Variants in TFPI observed in about 807,000 individuals in gnomAD.
The protein encoded by TFPI is anti-convertin.
In TFPI, 15 loss-of-function variants were observed where a neutral mutation model predicts 34.6. The observed-to-expected ratio is 0.43, with a 90% CI of 0.29 to 0.67. The LOEUF (loss-of-function observed/expected upper bound fraction) is 0.67. Among genes scored for constraint, TFPI ranks in the 30% least tolerant of loss-of-function variants. TFPI has a pLI of 0.15. For synonymous variants in TFPI, 105 were observed against 120.1 expected (o/e 0.87, Z 0.82); for missense variants, 301 against 364.0 (o/e 0.83, Z 1.41).
At chr2:187,544,212 G>C (rs961344250) in intron 1 of TFPI, among the ~76,000 whole-genome samples, 1 of 152,062 alleles carries the variant, frequency 6.6e-6, no homozygotes, top group Non-Finnish European at 1.5e-5. Context: ...GGGGATGAGA[G>C]GATATCAACA....
chr2:187,480,368 G>C (rs1692757491), intron 6 of TFPI, among the ~76,000 whole-genome samples: 1 of 152,050 alleles, frequency 6.6e-6, no homozygotes, highest in South Asian at 2.1e-4. Flanking sequence ...ACTGTCCTAA[G>C]AAAGTTATGT....
rs552177375 is a variant in TFPI at position 187,505,335 on chromosome 2, C to A, written c.-2-1565G>T. On this transcript the variant is annotated intron_variant, in intron 1 of 7. Coordinates refer to ENST00000233156, the MANE Select transcript of TFPI (RefSeq NM_006287.6). Reference sequence around the variant, plus strand: ...ATGGCAGCCTAGGGTATTGCCTAAACTTAGTACTTTAGACTTTCGTTGGGT... The same window carrying A: ...ATGGCAGCCTAGGGTATTGCCTAAAATTAGTACTTTAGACTTTCGTTGGGT... Among the ~76,000 whole-genome samples the A allele has an allele frequency of 5.7e-4, 86 of 152,190 alleles. 1 individual carries two copies. The South Asian group carries it at 0.015, about 26-fold the overall frequency.
intron 6 of TFPI, among the ~76,000 whole-genome samples, chr2:187,474,201 C>G (rs1440511946): frequency 1.3e-5 from 2 of 151,996 alleles, no homozygotes; most frequent in Non-Finnish European, 2.9e-5. Context: ...ATTTTAAGCC[C>G]TACAAAATTT....
rs187607863 is a variant in TFPI at position 187,496,847 on chromosome 2, G to A, written c.319+34C>T. ...CATAATTAGACTCAATAGCCCTAAAGGGTCTTGAGTAATAAGGGTTCCCAG... is the reference window on the plus strand; with the variant it reads ...CATAATTAGACTCAATAGCCCTAAAAGGTCTTGAGTAATAAGGGTTCCCAG... On this transcript the variant is annotated intron_variant, in intron 3 of 7. Transcript: ENST00000233156. The A allele has an allele frequency of 2.9e-4, 460 of 1,593,094 alleles. No individual in the cohort carries two copies. In the African/African-American group the frequency reaches 5.8e-3, roughly 20 times the overall value.
intron 6 of TFPI, among the ~76,000 whole-genome samples, chr2:187,479,539 T>C (rs1055861226): frequency 7.3e-5 from 9 of 123,122 alleles, no homozygotes; most frequent in African/African-American, 2.7e-4. Context: ...TGGGGGGATA[T>C]CACGTTCATA....
At chr2:187,535,592 G>C (rs1262334917) in intron 1 of TFPI, among the ~76,000 whole-genome samples, 1 of 152,204 alleles carries the variant, frequency 6.6e-6, no homozygotes, top group Non-Finnish European at 1.5e-5. Flanking sequence ...GCAGTGTTTA[G>C]AGGGAAATTT....
chr2:187,484,581 G>T, intron 5 of TFPI: 1 of 496,208 alleles, frequency 2.0e-6, no homozygotes, highest in Middle Eastern at 5.1e-4. Flanking sequence ...GTATTCTCAG[G>T]AAGAAGAATT....
intron 3 of TFPI, among the ~76,000 whole-genome samples, chr2:187,494,215 C>T (rs1381451112): frequency 6.6e-6 from 1 of 151,636 alleles, no homozygotes; most frequent in East Asian, 1.9e-4. Flanking sequence ...AATCATTTCC[C>T]ACCAGTCCCT....
chr2:187,493,787 T>G (rs896906350), intron 3 of TFPI, among the ~76,000 whole-genome samples: 1 of 152,218 alleles, frequency 6.6e-6, no homozygotes, highest in African/African-American at 2.4e-5. Context: ...GAGTCAGCTT[T>G]GCTCAACTTC....
At chr2:187,528,251 A>C (rs1687778871) in intron 1 of TFPI, among the ~76,000 whole-genome samples, 2 of 152,302 alleles carry the variant, frequency 1.3e-5, no homozygotes, top group Non-Finnish European at 2.9e-5. Context: ...ATTGCCTCTC[A>C]CAGCTGGGAA....
intron 1 of TFPI, among the ~76,000 whole-genome samples, chr2:187,525,060 C>T (rs1218583265): frequency 6.6e-6 from 1 of 151,862 alleles, no homozygotes; most frequent in Non-Finnish European, 1.5e-5. Context: ...ATTGAATCTA[C>T]TAAGAGAGGA....
intron 6 of TFPI, among the ~76,000 whole-genome samples, chr2:187,478,154 G>A (rs1692508259): frequency 6.6e-6 from 1 of 152,116 alleles, no homozygotes; most frequent in Admixed American, 6.6e-5. Flanking sequence ...TGGGTCAGGA[G>A]TTCGAGACTA....
Position 187,546,431 on chromosome 2 carries a change from GAA to G in TFPI, c.-3+7767_-3+7768del, listed in dbSNP as rs60420453. 6.6e-3 allele frequency among the ~76,000 whole-genome samples: 1,004 copies of G among 151,542 alleles called. 8 individuals are homozygous for G. Among genetic ancestry groups the G allele is most frequent in the African/African-American group, 0.023 (955 of 41,404 alleles). ...TGTTATCGTCATTTCCTTAAGAGGG[GAA>G]AAAAAACAAATAAAAGTTAGCATTA... is the stretch of plus-strand genomic sequence containing the variant. On this transcript the variant is annotated intron_variant, in intron 1 of 7. Transcript: ENST00000233156.
chr2:187,553,990 T>G (rs562394651), intron 1 of TFPI, among the ~76,000 whole-genome samples: 1 of 152,312 alleles, frequency 6.6e-6, no homozygotes, highest in South Asian at 2.1e-4. Flanking sequence ...TAAATTTGCT[T>G]AAGAACTAAA....
chr2:187,499,124 T>C (rs1685680778), intron 2 of TFPI, among the ~76,000 whole-genome samples: 1 of 151,950 alleles, frequency 6.6e-6, no homozygotes, highest in Admixed American at 6.6e-5. Context: ...GTCATTTCTT[T>C]TTTTTTTCAA....
chr2:187,496,322 A>C (rs925279034), intron 3 of TFPI, among the ~76,000 whole-genome samples: 3 of 152,244 alleles, frequency 2.0e-5, no homozygotes, highest in African/African-American at 7.2e-5. Context: ...TTCCAGATTC[A>C]TGATCTTGAG....
At chr2:187,536,058 C>A (rs1338788127) in intron 1 of TFPI, among the ~76,000 whole-genome samples, 1 of 152,076 alleles carries the variant, frequency 6.6e-6, no homozygotes, top group Admixed American at 6.5e-5. Context: ...CTGAATAGAC[C>A]AATAACAAGT....
At chr2:187,483,406 AAG>A (rs1345255683) in intron 6 of TFPI, among the ~76,000 whole-genome samples, 1 of 151,980 alleles carries the variant, frequency 6.6e-6, no homozygotes, top group Non-Finnish European at 1.5e-5. Context: ...ATATCTGAAT[AAG>A]AATATGTGAT....
At chr2:187,487,664 A>G (rs1693376220) in intron 4 of TFPI, among the ~76,000 whole-genome samples, 1 of 65,228 alleles carries the variant, frequency 1.5e-5, no homozygotes, top group Non-Finnish European at 3.1e-5. Context: ...TCCCTGATCC[A>G]TTGATAACAT....
Sources: allele counts gnomAD v4.1 joint callset (sites outside exome capture counted in the v4.1 genomes callset), GRCh38; gene constraint gnomAD v4.1.1; transcripts MANE v1.5; gene names NCBI Gene and HGNC (gene_info 2026-07-23, HGNC 2026-07-21).